Variants in METTL15 observed in about 807,000 individuals in gnomAD.
The protein encoded by METTL15 is 12S rRNA N(4)-cytidine methyltransferase METTL15.
Under a neutral mutation model 38.3 loss-of-function variants are expected in METTL15, and 34 were observed. The ratio of observed to expected loss-of-function variants is 0.89; its 90% CI spans 0.68 to 1.18. The LOEUF (loss-of-function observed/expected upper bound fraction) is 1.18. Among genes scored for constraint, METTL15 ranks in the 50% most tolerant of loss-of-function variants. METTL15 has a pLI of 0.00. For synonymous variants in METTL15, 162 were observed against 170.9 expected, an observed-to-expected ratio of 0.95 and a Z score of 0.41; for missense variants, 438 against 498.4, an observed-to-expected ratio of 0.88 and a Z score of 1.15.
chr11:28,291,914 T>C (rs1856531501), intron 5 of METTL15, among the ~76,000 whole-genome samples: 1 of 152,094 alleles, frequency 6.6e-6, no homozygotes. Context: ...ACACTGACAC[T>C]GAGAATTTAA....
At chr11:28,454,123 T>A (rs1851147976) in intron 6 of METTL15, among the ~76,000 whole-genome samples, 1 of 152,204 alleles carries the variant, frequency 6.6e-6, no homozygotes, top group African/African-American at 2.4e-5. Flanking sequence ...CAAGTAGAAT[T>A]TGTTTAGTTC....
chr11:28,306,159 T>G (rs1000799567), intron 6 of METTL15, among the ~76,000 whole-genome samples: 2 of 152,118 alleles, frequency 1.3e-5, no homozygotes, highest in Non-Finnish European at 2.9e-5. Flanking sequence ...AATTTTAGAC[T>G]GCTTCTAGGG....
intron 4 of METTL15, among the ~76,000 whole-genome samples, chr11:28,265,763 C>G (rs1372953080): frequency 6.6e-6 from 1 of 152,154 alleles, no homozygotes; most frequent in Non-Finnish European, 1.5e-5. Flanking sequence ...ACCCAAATAT[C>G]TTCTTGACAT....
chr11:28,459,042 C>T (rs1343678465), intron 6 of METTL15, among the ~76,000 whole-genome samples: 3 of 152,170 alleles, frequency 2.0e-5, no homozygotes, highest in African/African-American at 7.2e-5. Context: ...CATTTTCTGT[C>T]TTGGTCTCTA....
intron 4 of METTL15, among the ~76,000 whole-genome samples, chr11:28,221,523 G>A (rs1002200840): frequency 5.3e-5 from 8 of 151,860 alleles, no homozygotes; most frequent in African/African-American, 9.7e-5. Flanking sequence ...CCTTTAGCTC[G>A]GAGAAGTTTG....
chr11:28,522,331 T>C (rs1271892063), intron 6 of METTL15, among the ~76,000 whole-genome samples: 2 of 152,232 alleles, frequency 1.3e-5, no homozygotes, highest in African/African-American at 2.4e-5. Context: ...TTATGGAGGC[T>C]GGCAAGTGCA....
intron 6 of METTL15, among the ~76,000 whole-genome samples, chr11:28,427,140 A>G (rs1355072509): frequency 2.6e-5 from 4 of 152,052 alleles, no homozygotes; most frequent in Admixed American, 6.6e-5. Flanking sequence ...TCCGCTTTCA[A>G]TTTTCTTCAT....
Position 28,328,228 on chromosome 11 carries a change from G to A in METTL15, c.779-2168G>A, listed in dbSNP as rs1388934290. On this transcript the variant is annotated intron_variant, in intron 6 of 6. Coordinates refer to ENST00000407364, the MANE Select transcript of METTL15 (RefSeq NM_001113528.2). ...CATCATGTTCCTGAGAGACCTGGTT[G>A]TTGGAAGATAAATCCCCTAGTGTCT... 2.0e-6 allele frequency: 3 copies of A among 1,501,696 alleles called. No homozygotes were observed. In the East Asian group the frequency reaches 7.0e-5, roughly 35 times the overall value. The allele number at this position is 1,501,696 out of a possible 1,614,324, so 93.0% of individuals were successfully genotyped here.
At chr11:28,222,083 C>T (rs1247310838) in intron 4 of METTL15, among the ~76,000 whole-genome samples, 5 of 152,188 alleles carry the variant, frequency 3.3e-5, no homozygotes, top group African/African-American at 1.2e-4. Flanking sequence ...TCCAAGCTGT[C>T]AGACAGGGAT....
At chr11:28,268,759 T>C (rs1312694679) in intron 4 of METTL15, among the ~76,000 whole-genome samples, 2 of 152,234 alleles carry the variant, frequency 1.3e-5, no homozygotes, top group African/African-American at 4.8e-5. Context: ...GTAGACTTTC[T>C]TATTGTCCCA....
At chr11:28,383,919 A>C (rs1347443564) in intron 5 of METTL15, among the ~76,000 whole-genome samples, 1 of 152,104 alleles carries the variant, frequency 6.6e-6, no homozygotes, top group Non-Finnish European at 1.5e-5. Flanking sequence ...TCCAGTGACT[A>C]AGCTTAGTAC....
intron 6 of METTL15, among the ~76,000 whole-genome samples, chr11:28,521,097 A>G (rs1353119147): frequency 6.6e-6 from 1 of 152,162 alleles, no homozygotes; most frequent in Non-Finnish European, 1.5e-5. Context: ...CAACTCCTTT[A>G]AAAAATCCAT....
rs574870238 is a variant in METTL15, at chr11:28,376,831, A to T, written c.*358+14795A>T. ...CCTTTCCATGTTTAGTGCTTCCTTC[A>T]GGAGCTCTTTTAGGGCAGGCCTGGT... On this transcript the variant is annotated intron_variant and NMD_transcript_variant, in intron 5 of 7. Transcript: ENST00000532947. Among the ~76,000 whole-genome samples, 299 of 147,290 alleles carry T rather than the reference A, an allele frequency of 2.0e-3. 4 individuals are homozygous for T. Among genetic ancestry groups the T allele is most frequent in the African/African-American group, 6.6e-3 (268 of 40,582 alleles).
chr11:28,223,860 A>T (rs948194342), intron 4 of METTL15, among the ~76,000 whole-genome samples: 1 of 152,078 alleles, frequency 6.6e-6, no homozygotes, highest in Non-Finnish European at 1.5e-5. Flanking sequence ...GTGTTGGTTG[A>T]CTTTTTAACG....
intron 5 of METTL15, among the ~76,000 whole-genome samples, chr11:28,402,396 C>T (rs987192781): frequency 6.6e-6 from 1 of 151,942 alleles, no homozygotes; most frequent in African/African-American, 2.4e-5. Context: ...ACTCCCTACC[C>T]AATTTATAGT....
chr11:28,211,253 T>G (rs766774983), intron 4 of METTL15, 55 bp downstream of exon 4: 4 of 1,540,276 alleles, frequency 2.6e-6, no homozygotes, highest in Non-Finnish European at 3.5e-6. Context: ...TTACAGAGCT[T>G]GGTTTACCAC....
chr11:28,238,907 G>T (rs1158753028), intron 4 of METTL15, among the ~76,000 whole-genome samples: 4 of 152,158 alleles, frequency 2.6e-5, no homozygotes, highest in African/African-American at 9.7e-5. Flanking sequence ...TAAGCCATCA[G>T]CATCGTGTGT....
At chr11:28,267,042 C>T (rs773406006) in intron 4 of METTL15, among the ~76,000 whole-genome samples, 17 of 151,812 alleles carry the variant, frequency 1.1e-4, no homozygotes, top group Non-Finnish European at 1.9e-4. Context: ...CACTTGTAAT[C>T]CCAGCTACTC....
At chr11:28,294,429 G>T (rs909682800) in intron 5 of METTL15, among the ~76,000 whole-genome samples, 1 of 152,104 alleles carries the variant, frequency 6.6e-6, no homozygotes, top group Non-Finnish European at 1.5e-5. Flanking sequence ...TTAACCAGTC[G>T]CCATTTAACA....
Sources: allele counts gnomAD v4.1 joint callset (sites outside exome capture counted in the v4.1 genomes callset), GRCh38; gene constraint gnomAD v4.1.1; transcripts MANE v1.5; gene names NCBI Gene and HGNC (gene_info 2026-07-23, HGNC 2026-07-21).